LRP6: variants seen among roughly 807,000 people sequenced by gnomAD.
LRP6 encodes the protein LDL receptor related protein 6.
A neutral mutation model predicts 184.1 loss-of-function variants in LRP6; 43 were observed. That is an observed-to-expected ratio of 0.23 (90% CI 0.18 to 0.30). LRP6 has a LOEUF of 0.30. Ranked by LOEUF, LRP6 falls within the 10% of genes least tolerant of loss-of-function variation. The pLI, the probability that LRP6 is intolerant of heterozygous loss-of-function variation, is 1.00. For synonymous variants in LRP6, 719 were observed against 684.9 expected (o/e 1.05, Z -0.78); for missense variants, 1,571 against 2,005.3 (o/e 0.78, Z 4.14).
At chr12:12,153,964 CA>C (rs1202270347) in intron 12 of LRP6, among the ~76,000 whole-genome samples, 3 of 152,326 alleles carry the variant, frequency 2.0e-5, no homozygotes, top group South Asian at 2.1e-4. Context: ...TGCTCTGTGC[CA>C]GGGGCATTGA....
intron 2 of LRP6, among the ~76,000 whole-genome samples, chr12:12,234,586 A>G (rs918464983): frequency 2.0e-4 from 30 of 152,160 alleles, no homozygotes; most frequent in Admixed American, 5.9e-4. Context: ...TAATTCCAGC[A>G]CTCTGAGAGG....
intron 3 of LRP6, among the ~76,000 whole-genome samples, chr12:12,198,668 T>C (rs1364167566): frequency 6.6e-6 from 1 of 151,614 alleles, no homozygotes; most frequent in East Asian, 1.9e-4. Context: ...CGAGTAGTTG[T>C]GATTACAGGC....
intron 9 of LRP6, 85 bp from the exon 10 acceptor site, chr12:12,162,504 G>T: frequency 9.0e-7 from 1 of 1,114,242 alleles, no homozygotes. Flanking sequence ...TTTTGTCAGG[G>T]GCAAGAGGAT....
At chr12:12,249,113 C>T (rs955386357) in intron 1 of LRP6, 79 of 704,312 alleles carry the variant, frequency 1.1e-4, no homozygotes, top group South Asian at 4.6e-5. Flanking sequence ...ATGATAAAGA[C>T]GTGACACTTA....
chr12:12,237,229 T>C (rs1864950781), intron 2 of LRP6, among the ~76,000 whole-genome samples: 1 of 152,182 alleles, frequency 6.6e-6, no homozygotes, highest in Non-Finnish European at 1.5e-5. Flanking sequence ...TTTTAGAAGC[T>C]CTGTGCCAAG....
At chr12:12,219,623 T>C (rs1345298532) in intron 2 of LRP6, among the ~76,000 whole-genome samples, 1 of 152,214 alleles carries the variant, frequency 6.6e-6, no homozygotes, top group African/African-American at 2.4e-5. Flanking sequence ...CTGTAACCAT[T>C]CCCTTTCATT....
intron 2 of LRP6, among the ~76,000 whole-genome samples, chr12:12,227,441 C>G (rs963400609): frequency 6.8e-6 from 1 of 147,342 alleles, no homozygotes; most frequent in Non-Finnish European, 1.5e-5. Context: ...GAGTTTTACT[C>G]TTGTTGCCCA....
At chr12:12,150,688 G>GA (rs1950069376) in intron 13 of LRP6, 148 bp downstream of exon 13, 1 of 802,880 alleles carries the variant, frequency 1.2e-6, no homozygotes, top group Non-Finnish European at 2.2e-6. Context: ...TCGTCAGAAG[G>GA]AAAAAATAAG....
intron 2 of LRP6, among the ~76,000 whole-genome samples, chr12:12,232,016 CAAAA>C (rs1864804281): frequency 6.6e-6 from 1 of 151,002 alleles, no homozygotes; most frequent in Non-Finnish European, 1.5e-5. Context: ...AAAACAAAAA[CAAAA>C]ACAAAAACAA....
At chr12:12,235,872 A>G (rs937456745) in intron 2 of LRP6, among the ~76,000 whole-genome samples, 4 of 152,330 alleles carry the variant, frequency 2.6e-5, no homozygotes, top group South Asian at 2.1e-4. Context: ...GTGGAACAGA[A>G]AAAGGACACA....
At chr12:12,204,158 G>A (rs1329130545) in intron 2 of LRP6, among the ~76,000 whole-genome samples, 1 of 151,588 alleles carries the variant, frequency 6.6e-6, no homozygotes, top group Non-Finnish European at 1.5e-5. Flanking sequence ...GGTCTCTCTT[G>A]CATATTATTC....
At chr12:12,263,263 C>CT (rs1865666848) in intron 1 of LRP6, among the ~76,000 whole-genome samples, 3 of 71,610 alleles carry the variant, frequency 4.2e-5, no homozygotes, top group Non-Finnish European at 8.4e-5. Flanking sequence ...GAAACTCTGT[C>CT]TTTAAAAAAA....
chr12:12,249,671 A>AGAAGGAAGGAAGGAAGGAAGGAAGGAAG (rs3053796), intron 1 of LRP6, among the ~76,000 whole-genome samples: 4 of 141,558 alleles, frequency 2.8e-5, no homozygotes, highest in South Asian at 2.3e-4. Flanking sequence ...GTGCTATAAC[A>AGAAGGAAGGAAGGAAGGAAGGAAGGAAG]GAAGGAAGGA....
chr12:12,171,039 C>A (rs879752008), intron 7 of LRP6, among the ~76,000 whole-genome samples: 7 of 152,096 alleles, frequency 4.6e-5, no homozygotes, highest in Admixed American at 2.0e-4. Flanking sequence ...CTGCTTAAGA[C>A]ACGCTGCAGT....
chr12:12,232,694 AAT>A (rs1243329972), intron 2 of LRP6, among the ~76,000 whole-genome samples: 2 of 152,308 alleles, frequency 1.3e-5, no homozygotes, highest in East Asian at 3.9e-4. Context: ...GATGGAATAA[AAT>A]ATATGACACA....
chr12:12,135,603 C>G (rs1949827646), intron 16 of LRP6, among the ~76,000 whole-genome samples: 1 of 151,402 alleles, frequency 6.6e-6, no homozygotes. Flanking sequence ...AAGTGCTTCT[C>G]CTGCCTCAGC....
intron 12 of LRP6, among the ~76,000 whole-genome samples, chr12:12,154,722 AAAG>A (rs1228711149): frequency 6.6e-6 from 1 of 152,168 alleles, no homozygotes; most frequent in Non-Finnish European, 1.5e-5. Flanking sequence ...AAAAAGCCAG[AAAG>A]AAGCACTGAG....
rs749401353 is a variant in LRP6 at position 12,130,868 on chromosome 12, G to A, written c.3996C>T (p.Arg1332=). The A allele has an allele frequency of 1.9e-6, 3 of 1,608,210 alleles. No homozygotes were observed. The highest frequency in any genetic ancestry group is 1.7e-5 in the Admixed American group (1 of 59,996). The stretch of plus-strand genomic sequence containing the variant: ...TTCCAATGCACTGACCATTGGCACA[G>A]CGGAACTGATCAATTAAACAAAGCA... ...CEVLCLIDQF[R]CANGQCIGKH... Residue 1332 remains arginine, a synonymous_variant, in exon 19 of 23, where the codon CGC becomes CGT. Coordinates refer to ENST00000261349, the MANE Select transcript of LRP6 (RefSeq NM_002336.3).
chr12:12,192,208 G>T (rs577208727), intron 3 of LRP6, among the ~76,000 whole-genome samples: 2 of 152,052 alleles, frequency 1.3e-5, no homozygotes, highest in South Asian at 4.1e-4. Context: ...TCATAATTAA[G>T]TTAATATTAC....
Sources: allele counts gnomAD v4.1 joint callset (sites outside exome capture counted in the v4.1 genomes callset), GRCh38; gene constraint gnomAD v4.1.1; transcripts MANE v1.5; gene names NCBI Gene and HGNC (gene_info 2026-07-23, HGNC 2026-07-21).